The following IL1R1 variants were observed in gnomAD, a reference collection of about 807,000 sequenced individuals.
The protein encoded by IL1R1 is interleukin-1 receptor type 1.
A neutral mutation model predicts 50.2 loss-of-function variants in IL1R1; 22 were observed. That is an observed-to-expected ratio of 0.44 (90% CI 0.31 to 0.63). IL1R1 has a LOEUF of 0.63. Ranked by LOEUF, IL1R1 falls within the 20% of genes least tolerant of loss-of-function variation. The pLI is 0.07. For synonymous variants in IL1R1, 251 were observed against 236.7 expected, an observed-to-expected ratio of 1.06 and a Z score of -0.55; for missense variants, 509 against 676.2, an observed-to-expected ratio of 0.75 and a Z score of 2.74.
rs1302216844 is a variant in IL1R1 at position 102,178,102 on chromosome 2, CCTT to C, written c.*1344_*1346del. The C allele has an allele frequency of 6.5e-6, 1 of 152,718 alleles. No individual in the cohort carries two copies. Among genetic ancestry groups the C allele is most frequent in the African/African-American group, 2.4e-5 (1 of 41,448 alleles). The allele number at this position is 152,718 out of a possible 1,614,324, so 9.5% of individuals were successfully genotyped here. A position where few individuals can be genotyped will look rare whatever the true frequency, so the allele number is the denominator to read the frequency against. ...TGCTCTTGCCTGCACCCTTCCTCCT[CCTT>C]TGCCTAGGAGGCCTTCTCGCATTTT... On this transcript the variant is annotated 3_prime_UTR_variant, in exon 12 of 12. Transcript: ENST00000410023.
chr2:102,149,353 G>A (rs1683445091), intron 1 of IL1R1, among the ~76,000 whole-genome samples: 1 of 152,218 alleles, frequency 6.6e-6, no homozygotes, highest in Admixed American at 6.5e-5. Flanking sequence ...GGATTTTCTT[G>A]TAAATCTCAG....
At chr2:102,130,174 G>A (rs189652056) in intron 1 of IL1R1, among the ~76,000 whole-genome samples, 42 of 152,310 alleles carry the variant, frequency 2.8e-4, no homozygotes, top group African/African-American at 7.9e-4. Flanking sequence ...TCCACTGTAC[G>A]TGTGTATGAA....
upstream of IL1R1, among the ~76,000 whole-genome samples, chr2:102,099,971 T>C (rs777430787): frequency 6.6e-6 from 1 of 152,128 alleles, no homozygotes; most frequent in South Asian, 2.1e-4. Context: ...ACTCCAGGAC[T>C]CCCAGAATGT....
intron 1 of IL1R1, among the ~76,000 whole-genome samples, chr2:102,094,996 A>G (rs1018929574): frequency 3.3e-5 from 5 of 152,188 alleles, no homozygotes; most frequent in Non-Finnish European, 7.3e-5. Context: ...GATGGTGGAC[A>G]TATTCACTAT....
intron 1 of IL1R1, among the ~76,000 whole-genome samples, chr2:102,135,201 C>T (rs1682278340): frequency 6.6e-6 from 1 of 152,088 alleles, no homozygotes; most frequent in African/African-American, 2.4e-5. Flanking sequence ...TGAACCTATG[C>T]CTGGGAACCA....
intron 1 of IL1R1, among the ~76,000 whole-genome samples, chr2:102,078,601 A>C (rs76160345): frequency 0.017 from 2,240 of 133,318 alleles, 45 homozygotes; most frequent in African/African-American, 0.044. Context: ...CACACACACA[A>C]GAAAAAAAAA....
At chr2:102,143,399 G>A (rs570259147) in intron 1 of IL1R1, among the ~76,000 whole-genome samples, 7 of 152,322 alleles carry the variant, frequency 4.6e-5, no homozygotes, top group African/African-American at 1.7e-4. Context: ...TAAGGGCTGA[G>A]GCCTTAACCA....
chr2:102,137,572 C>T (rs961341980), intron 1 of IL1R1, among the ~76,000 whole-genome samples: 2 of 152,160 alleles, frequency 1.3e-5, no homozygotes, highest in African/African-American at 2.4e-5. Flanking sequence ...ATGGTCCTTA[C>T]CTGGCAAGCT....
intron 1 of IL1R1, among the ~76,000 whole-genome samples, chr2:102,092,124 C>T (rs1009926159): frequency 3.3e-5 from 5 of 152,078 alleles, no homozygotes; most frequent in Non-Finnish European, 5.9e-5. Flanking sequence ...TTGTTTGAGA[C>T]CCCCCTCAAG....
intron 1 of IL1R1, chr2:102,104,986 A>G (rs1235231429): frequency 1.3e-5 from 2 of 152,176 alleles, no homozygotes; most frequent in Non-Finnish European, 2.9e-5. Flanking sequence ...GAATCTGATA[A>G]AAGGTAACGT....
chr2:102,159,510 C>T (rs1684506508), intron 3 of IL1R1, among the ~76,000 whole-genome samples: 1 of 152,230 alleles, frequency 6.6e-6, no homozygotes, highest in Non-Finnish European at 1.5e-5. Flanking sequence ...TGCATACATG[C>T]CCACCCTTCT....
intron 11 of IL1R1, 99 bp downstream of exon 11, chr2:102,175,744 T>G (rs1238762198): frequency 3.7e-6 from 4 of 1,092,924 alleles, no homozygotes; most frequent in Non-Finnish European, 5.6e-6. Context: ...TAGGGGTATA[T>G]GTTTCACAAT....
chr2:102,161,067 T>A (rs1684683063), intron 3 of IL1R1, among the ~76,000 whole-genome samples: 1 of 152,236 alleles, frequency 6.6e-6, no homozygotes, highest in Non-Finnish European at 1.5e-5. Context: ...AAAAAATATA[T>A]AGGCATTTAA....
chr2:102,176,689 C>G lies in IL1R1; in HGVS notation c.1640C>G (p.Ser547Cys), dbSNP rs761995160. Residue 547 changes from serine (S) to cysteine (C), a missense_variant, in exon 12 of 12, where the codon TCT becomes TGT. Transcript: ENST00000410023. ...HMPVQRRSPS[S>C]KHQLLSPATK... ...CCAGTCCAGCGACGGTCACCTTCAT[C>G]TAAACACCAGTTACTGTCACCAGCC... 5 of 1,614,086 alleles carry G rather than the reference C, an allele frequency of 3.1e-6. No individual in the cohort carries two copies. The South Asian group carries it at 5.5e-5, about 18-fold the overall frequency.
chr2:102,165,360 G>T, intron 5 of IL1R1, 56 bp downstream of exon 5: 1 of 973,028 alleles, frequency 1.0e-6, no homozygotes, highest in South Asian at 2.2e-5. Flanking sequence ...ATAGTTCCCT[G>T]GACAATAGAA....
chr2:102,157,686 T>G (rs1257961638), intron 2 of IL1R1, 33 bp from the exon 3 acceptor site: 2 of 1,450,522 alleles, frequency 1.4e-6, no homozygotes, highest in African/African-American at 1.4e-5. Context: ...ACATTTTTGC[T>G]TTTGTCTTTC....
chr2:102,160,801 CTT>C (rs949517111), intron 3 of IL1R1, among the ~76,000 whole-genome samples: 1 of 152,174 alleles, frequency 6.6e-6, no homozygotes, highest in African/African-American at 2.4e-5. Context: ...CTAGGCTTTC[CTT>C]TTGTTTCTGC....
intron 1 of IL1R1, among the ~76,000 whole-genome samples, chr2:102,096,474 A>G (rs1679907305): frequency 2.0e-5 from 3 of 152,224 alleles, no homozygotes; most frequent in Admixed American, 2.0e-4. Context: ...TTTTTAAGTT[A>G]GGTATCTTTT....
At position 102,174,613 on chromosome 2, in the gene IL1R1, G is replaced by A. The variant is rs1685956406; in HGVS notation, c.1018G>A (p.Gly340Ser). The part of the protein sequence containing the change: ...PVTNFQKHMI[G>S]ICVTLTVIIV... Reference sequence around the variant, plus strand: ...CACTAATTTCCAGAAGCACATGATTGGTATATGTGTCACGTTGACAGTCAT... The same window carrying A: ...CACTAATTTCCAGAAGCACATGATTAGTATATGTGTCACGTTGACAGTCAT... The change falls in exon 10 of 12, where the codon GGT (glycine) becomes AGT (serine). Residue 340 changes from glycine (G) to serine (S), a missense_variant. Gly to Ser is a moderately conservative substitution (Grantham distance 56). Coordinates refer to ENST00000410023, the MANE Select transcript of IL1R1 (RefSeq NM_000877.4). The A allele has an allele frequency of 1.3e-6, 2 of 1,587,634 alleles. No homozygotes were observed. The highest frequency in any genetic ancestry group is 2.7e-5 in the African/African-American group (2 of 73,744).
Sources: allele counts gnomAD v4.1 joint callset (sites outside exome capture counted in the v4.1 genomes callset), GRCh38; gene constraint gnomAD v4.1.1; transcripts MANE v1.5; gene names NCBI Gene and HGNC (gene_info 2026-07-23, HGNC 2026-07-21).